Variants in LIMA1 observed in about 807,000 individuals in gnomAD.
LIMA1 encodes LIM domain and actin-binding protein 1.
Under a neutral mutation model 62.6 loss-of-function variants are expected in LIMA1, and 52 were observed. The observed-to-expected ratio is 0.83, with a 90% CI of 0.67 to 1.05. The LOEUF is 1.05. Among genes scored for constraint, LIMA1 ranks in the 50% least tolerant of loss-of-function variants. The pLI, the probability that LIMA1 is intolerant of heterozygous loss-of-function variation, is 0.00. For synonymous variants in LIMA1, 302 were observed against 317.8 expected, an observed-to-expected ratio of 0.95 and a Z score of 0.53; for missense variants, 780 against 902.2, an observed-to-expected ratio of 0.86 and a Z score of 1.74.
intron 2 of LIMA1, among the ~76,000 whole-genome samples, chr12:50,236,380 G>T (rs534074540): frequency 1.4e-5 from 2 of 145,448 alleles, no homozygotes; most frequent in Admixed American, 1.4e-4. Context: ...TCACTGCAAC[G>T]TCTGCCTCCC....
At chr12:50,229,953 T>C (rs1464737826) in intron 3 of LIMA1, 1 of 152,440 alleles carries the variant, frequency 6.6e-6, no homozygotes, top group Non-Finnish European at 1.5e-5. Context: ...CAGGCCTTCA[T>C]TGACCACCCT....
intron 7 of LIMA1, among the ~76,000 whole-genome samples, chr12:50,200,461 A>G (rs1170988792): frequency 6.6e-6 from 1 of 152,172 alleles, no homozygotes; most frequent in Non-Finnish European, 1.5e-5. Context: ...TCACCCTCCC[A>G]AAGTGCTGGG....
chr12:50,197,991 A>T (rs12305803), intron 7 of LIMA1, among the ~76,000 whole-genome samples: 1 of 152,230 alleles, frequency 6.6e-6, no homozygotes, highest in Non-Finnish European at 1.5e-5. Context: ...GATGTTTGCA[A>T]TTTATGGGGG....
At chr12:50,218,287 T>C (rs1592529563) in intron 4 of LIMA1, 1 of 152,790 alleles carries the variant, frequency 6.5e-6, no homozygotes, top group Non-Finnish European at 1.5e-5. Context: ...GTGAATAGCG[T>C]ACACCTGGTT....
intron 3 of LIMA1, among the ~76,000 whole-genome samples, chr12:50,228,414 G>T (rs973785107): frequency 2.6e-5 from 4 of 152,104 alleles, no homozygotes; most frequent in Admixed American, 6.6e-5. Context: ...TGCCAAATCC[G>T]ATGGTCAATT....
At chr12:50,200,964 C>G (rs1941037326) in intron 6 of LIMA1, 80 bp from the exon 7 acceptor site, 1 of 1,542,810 alleles carries the variant, frequency 6.5e-7, no homozygotes, top group African/African-American at 1.4e-5. Flanking sequence ...ATTAGATAAA[C>G]TTGGAATGTT....
At chr12:50,256,341 G>T (rs1483165634) in intron 1 of LIMA1, 1 of 151,928 alleles carries the variant, frequency 6.6e-6, no homozygotes. Flanking sequence ...ACTGAAGTGA[G>T]CACTCACCTT....
intron 9 of LIMA1, among the ~76,000 whole-genome samples, chr12:50,183,602 G>C (rs1940555697): frequency 6.6e-6 from 1 of 152,010 alleles, no homozygotes; most frequent in Admixed American, 6.6e-5. Flanking sequence ...CACGAGGTCA[G>C]GAGTTCAAGA....
rs187201274 is a variant in LIMA1 at position 50,252,378 on chromosome 12, G to A, written c.-23-3604C>T. Among the ~76,000 whole-genome samples, 316 of 152,148 alleles carry A rather than the reference G, an allele frequency of 2.1e-3. 1 individual carries two copies. The highest frequency in any genetic ancestry group is 7.2e-3 in the African/African-American group (300 of 41,520). On this transcript the variant is annotated intron_variant, in intron 1 of 10. Transcript: ENST00000341247. ...GCGGATCACCTGAGGTCAGGAGTTT[G>A]AGACCAGCCTGCCCAAGATGGCCAA...
chr12:50,217,867 C>A, intron 4 of LIMA1: 1 of 176,584 alleles, frequency 5.7e-6, no homozygotes, highest in Non-Finnish European at 1.2e-5. Context: ...CTGCCGCAGC[C>A]TCTACATTTC....
At chr12:50,258,300 T>G (rs1039971230) in intron 1 of LIMA1, among the ~76,000 whole-genome samples, 13 of 150,224 alleles carry the variant, frequency 8.7e-5, no homozygotes, top group East Asian at 3.9e-4. Flanking sequence ...ACACTGCTTT[T>G]TGTGTGTGTG....
Position 50,181,942 on chromosome 12 carries a change from G to A in LIMA1, c.1236C>T (p.Ile412=). The A allele has an allele frequency of 6.2e-7, 1 of 1,614,014 alleles. No individual in the cohort carries two copies. The highest frequency in any genetic ancestry group is 8.5e-7 in the Non-Finnish European group (1 of 1,180,034). The change falls in exon 10 of 11, where the codon ATC becomes ATT. Residue 412 remains isoleucine (I), a synonymous_variant. Coordinates refer to ENST00000341247, the MANE Select transcript of LIMA1 (RefSeq NM_016357.5). ...RLLANQQVFH[I]SCFRCSYCNN... ...TGCAATAGGAGCAACGGAAGCAGCT[G>A]ATGTGAAACACCTGCTGGTTGGCCA...
intron 1 of LIMA1, among the ~76,000 whole-genome samples, chr12:50,271,335 T>C (rs1360946713): frequency 6.6e-6 from 1 of 152,032 alleles, no homozygotes; most frequent in Non-Finnish European, 1.5e-5. Context: ...CCAAGAACTT[T>C]CCTAATCTTT....
chr12:50,276,449 A>G (rs1467532833), intron 1 of LIMA1, among the ~76,000 whole-genome samples: 2 of 152,224 alleles, frequency 1.3e-5, no homozygotes, highest in Non-Finnish European at 2.9e-5. Context: ...AGTAAGTTCA[A>G]TACAAATTAA....
chr12:50,218,735 G>A (rs765345861), intron 4 of LIMA1, among the ~76,000 whole-genome samples: 9 of 151,912 alleles, frequency 5.9e-5, no homozygotes, highest in Non-Finnish European at 1.0e-4. Context: ...GCGAAACGCT[G>A]TCTCCATAAA....
chr12:50,250,197 C>T (rs758269829), intron 1 of LIMA1, among the ~76,000 whole-genome samples: 7 of 147,748 alleles, frequency 4.7e-5, no homozygotes, highest in Non-Finnish European at 7.4e-5. Context: ...ACTTGGGAGG[C>T]TGAGGCAGGA....
At chr12:50,208,910 G>A (rs1235984323) in intron 4 of LIMA1, among the ~76,000 whole-genome samples, 1 of 151,546 alleles carries the variant, frequency 6.6e-6, no homozygotes, top group Admixed American at 6.6e-5. Context: ...GTAAGACCCT[G>A]CTCAAAAAGT....
chr12:50,200,055 G>A (rs563014043), intron 7 of LIMA1, among the ~76,000 whole-genome samples: 15 of 151,936 alleles, frequency 9.9e-5, no homozygotes, highest in Non-Finnish European at 1.6e-4. Flanking sequence ...CACCATGCCC[G>A]GCTAATTTTT....
chr12:50,270,919 C>T (rs1471753004), intron 1 of LIMA1, among the ~76,000 whole-genome samples: 1 of 151,522 alleles, frequency 6.6e-6, no homozygotes, highest in South Asian at 2.1e-4. Context: ...AGTGAAACCC[C>T]GTCTCTACTA....
Sources: gnomAD v4.1 joint callset for allele counts (sites outside exome capture counted in the v4.1 genomes callset) on GRCh38, gnomAD v4.1.1 for gene constraint, MANE v1.5 for transcripts, NCBI Gene and HGNC (gene_info 2026-07-23, HGNC 2026-07-21) for gene names.